The following CFAP57 variants were observed in gnomAD, a reference collection of about 807,000 sequenced individuals.
The protein encoded by CFAP57 is cilia- and flagella-associated protein 57.
A neutral mutation model predicts 146.8 loss-of-function variants in CFAP57; 116 were observed. The ratio of observed to expected loss-of-function variants is 0.79; its 90% CI spans 0.68 to 0.92. The LOEUF (loss-of-function observed/expected upper bound fraction) is 0.92, where lower values mean the gene tolerates loss of function less well. CFAP57 is among the 40% of genes least tolerant of loss of function. The pLI, the probability that CFAP57 is intolerant of heterozygous loss-of-function variation, is 0.00. For synonymous variants in CFAP57, 518 were observed against 552.8 expected (o/e 0.94, Z 0.88); for missense variants, 1,377 against 1,527.2 (o/e 0.90, Z 1.64).
intron 6 of CFAP57, among the ~76,000 whole-genome samples, chr1:43,191,411 C>A (rs1340371099): frequency 6.6e-6 from 1 of 152,002 alleles, no homozygotes; most frequent in South Asian, 2.1e-4. Context: ...CACAGTGAAA[C>A]CCCGTCTCTA....
chr1:43,235,148 T>G (rs906952616), intron 21 of CFAP57, among the ~76,000 whole-genome samples: 2 of 152,076 alleles, frequency 1.3e-5, no homozygotes, highest in African/African-American at 4.8e-5. Flanking sequence ...GTGCCTCAGG[T>G]CCCTACCCTT....
At chr1:43,180,238 T>TAA (rs1195243572) in intron 2 of CFAP57, among the ~76,000 whole-genome samples, 2 of 137,816 alleles carry the variant, frequency 1.5e-5, no homozygotes, top group African/African-American at 2.6e-5. Context: ...TATATATATA[T>TAA]AAAATATATA....
intron 4 of CFAP57, among the ~76,000 whole-genome samples, chr1:43,184,168 A>G (rs1167595958): frequency 6.6e-6 from 1 of 152,240 alleles, no homozygotes; most frequent in East Asian, 1.9e-4. Context: ...TCCAGTGGCT[A>G]ATTTAATGAA....
chr1:43,177,773 A>G (rs1294598587), intron 2 of CFAP57, among the ~76,000 whole-genome samples: 4 of 152,214 alleles, frequency 2.6e-5, no homozygotes, highest in African/African-American at 9.6e-5. Flanking sequence ...CACAGTTCAC[A>G]ACAGGGTTTG....
chr1:43,231,485 A>C (rs1325492350), intron 18 of CFAP57, among the ~76,000 whole-genome samples: 1 of 152,216 alleles, frequency 6.6e-6, no homozygotes, highest in Non-Finnish European at 1.5e-5. Flanking sequence ...ATGCACAGCT[A>C]GTCTCATCCT....
intron 11 of CFAP57, among the ~76,000 whole-genome samples, chr1:43,211,816 A>AACTC (rs35170447): frequency 0.76 from 115,124 of 151,562 alleles, 45,129 homozygotes; most frequent in Middle Eastern, 0.9. Context: ...GTAACTTACT[A>AACTC]TTCTCTTGCA....
chr1:43,230,800 A>G (rs1477718312), intron 18 of CFAP57, among the ~76,000 whole-genome samples: 3 of 151,924 alleles, frequency 2.0e-5, no homozygotes, highest in Non-Finnish European at 4.4e-5. Context: ...TGTTTATCCT[A>G]CTCCACCTGA....
In CFAP57 at chr1:43,206,950, C is replaced by G. The variant is rs1644383791; in HGVS notation, c.1755+18C>G. The G allele has an allele frequency of 1.2e-6, 2 of 1,611,416 alleles. No homozygotes were observed. The highest frequency in any genetic ancestry group is 2.2e-5 in the East Asian group (1 of 44,810). ...ATTCCTTGGTGAGTCTGCCCCTGCC[C>G]CGCCTCTGGGCTGGTGCACGGATCT... is the stretch of plus-strand genomic sequence containing the variant. On this transcript the variant is annotated intron_variant, in intron 10 of 22. Transcript: ENST00000372492.
In CFAP57 at chr1:43,215,295, C is replaced by G. The variant is rs1380588369; in HGVS notation, c.1970C>G (p.Ala657Gly). Residue 657 changes from alanine (A) to glycine (G), a missense_variant, in exon 12 of 23, where the codon GCT (alanine) becomes GGT (glycine). Coordinates refer to ENST00000372492, the MANE Select transcript of CFAP57 (RefSeq NM_001378189.1). ...TFDDQFLLTA[A>G]EDGCLFTWKV... is the part of the protein sequence containing the mutation. Reference sequence around the variant, plus strand: ...GATGATCAGTTCCTGCTGACTGCTGCTGAGGATGGCTGCCTGTTCACCTGG... The same window carrying G: ...GATGATCAGTTCCTGCTGACTGCTGGTGAGGATGGCTGCCTGTTCACCTGG... 1 of 1,551,280 alleles carries G rather than the reference C, an allele frequency of 6.4e-7. No individual in the cohort carries two copies.
chr1:43,210,290 C>T, intron 11 of CFAP57: 1 of 1,433,826 alleles, frequency 7.0e-7, no homozygotes, highest in Non-Finnish European at 9.1e-7. Flanking sequence ...GAAGATTGGC[C>T]CCTACCTCTC....
rs868182074 is a variant in CFAP57, at chr1:43,199,461, G to A, written c.1500G>A (p.Thr500=). Residue 500 remains threonine (T), a synonymous_variant, in exon 9 of 23, where the codon ACG becomes ACA. Transcript: ENST00000372492. ...NGNVIHVYTT[T]SLENISSLKG... is the part of the protein sequence containing the mutation. ...ATGTGATTCACGTTTACACCACCACGAGCCTAGAGAACATCTCAAGCCTGA... is the reference window on the plus strand; with the variant it reads ...ATGTGATTCACGTTTACACCACCACAAGCCTAGAGAACATCTCAAGCCTGA... 2 of 1,614,140 alleles carry A rather than the reference G, an allele frequency of 1.2e-6. No individual in the cohort carries two copies. The highest frequency in any genetic ancestry group is 8.5e-7 in the Non-Finnish European group (1 of 1,180,032).
At chr1:43,174,378 A>G (rs1204356646) in intron 2 of CFAP57, among the ~76,000 whole-genome samples, 2 of 152,208 alleles carry the variant, frequency 1.3e-5, no homozygotes, top group Non-Finnish European at 2.9e-5. Flanking sequence ...CTAAATTATT[A>G]TTAATTCTAA....
intron 10 of CFAP57, among the ~76,000 whole-genome samples, chr1:43,207,230 C>T (rs1020000348): frequency 4.6e-5 from 7 of 152,234 alleles, no homozygotes; most frequent in African/African-American, 1.7e-4. Flanking sequence ...GAGGTCATGT[C>T]ATCTCTAAAC....
Position 43,209,798 on chromosome 1 carries a change from A to C in CFAP57, c.1811A>C (p.His604Pro). The C allele has an allele frequency of 2.5e-6, 4 of 1,614,160 alleles. No homozygotes were observed. The highest frequency in any genetic ancestry group is 3.4e-6 in the Non-Finnish European group (4 of 1,180,044). Residue 604 changes from histidine to proline, a missense_variant, in exon 11 of 23, where the codon CAT (histidine) becomes CCT (proline). Physicochemically the swap from His to Pro is moderately conservative, Grantham distance 77. Coordinates refer to ENST00000372492, the MANE Select transcript of CFAP57 (RefSeq NM_001378189.1). ...ACCTACACCGCCATTGTCATCTCGCATTCTGGACGCATGATGTTTGTGGGC... is the reference window on the plus strand; with the variant it reads ...ACCTACACCGCCATTGTCATCTCGCCTTCTGGACGCATGATGTTTGTGGGC... ...DVTYTAIVIS[H>P]SGRMMFVGTS...
Position 43,222,280 on chromosome 1 carries a change from C to G in CFAP57, c.2517C>G (p.Thr839=). The G allele has an allele frequency of 6.9e-7, 1 of 1,450,658 alleles. No individual in the cohort carries two copies. The highest frequency in any genetic ancestry group is 1.5e-5 in the South Asian group (1 of 66,014). The allele number at this position is 1,450,658 out of a possible 1,614,324, so 89.9% of individuals were successfully genotyped here. Residue 839 remains threonine (T), a synonymous_variant, in exon 15 of 23, where the codon ACC becomes ACG. Coordinates refer to ENST00000372492, the MANE Select transcript of CFAP57 (RefSeq NM_001378189.1). ...ACGAGGCAAAACTGCAGGAGAAAAC[C>G]ACCCTTCTGGAAGAGGTACTCACAG... ...EFYEAKLQEK[T]TLLEEAQEDV...
chr1:43,206,422 T>G, intron 9 of CFAP57: 1 of 338,772 alleles, frequency 3.0e-6, no homozygotes, highest in Non-Finnish European at 5.5e-6. Context: ...TCAAAAATGT[T>G]TTGAAAAAAC....
At chr1:43,211,589 A>AAG (rs1644616192) in intron 11 of CFAP57, 1 of 151,758 alleles carries the variant, frequency 6.6e-6, no homozygotes, top group South Asian at 2.1e-4. Context: ...AAAAAAAAAA[A>AAG]AAATCCTCAT....
At position 43,238,608 on chromosome 1, in the gene CFAP57, C is replaced by T. The variant is rs1645790230; in HGVS notation, c.3405+3970C>T. On this transcript the variant is annotated intron_variant, in intron 21 of 22. Coordinates refer to ENST00000372492, the MANE Select transcript of CFAP57 (RefSeq NM_001378189.1). The surrounding 1 kb of genome is among the most constrained non-coding windows in gnomAD (Gnocchi z 4.3). The stretch of plus-strand genomic sequence containing the variant: ...CATTCACATTTTTAATCCACAAAGC[C>T]ATCCAAAGCAAAAACGGTCGACCTC... 6.6e-6 allele frequency among the ~76,000 whole-genome samples: 1 copy of T among 152,144 alleles called. No homozygotes were observed. The highest frequency in any genetic ancestry group is 2.4e-5 in the African/African-American group (1 of 41,426).
At chr1:43,217,495 G>T (rs1428851626) in intron 12 of CFAP57, among the ~76,000 whole-genome samples, 1 of 152,050 alleles carries the variant, frequency 6.6e-6, no homozygotes, top group African/African-American at 2.4e-5. Context: ...TAGGTTCTGG[G>T]GATAAAGCAG....
Sources: allele counts gnomAD v4.1 joint callset (sites outside exome capture counted in the v4.1 genomes callset), GRCh38; gene constraint gnomAD v4.1.1; non-coding constraint Gnocchi (gnomAD v3.1); transcripts MANE v1.5; gene names NCBI Gene and HGNC (gene_info 2026-07-23, HGNC 2026-07-21).